Variants in MKX observed in about 807,000 individuals in gnomAD.
MKX encodes homeobox protein Mohawk.
MKX carries 13 observed loss-of-function variants against 36.0 expected under a neutral mutation model. That is an observed-to-expected ratio of 0.36 (90% CI 0.24 to 0.57). MKX has a LOEUF of 0.57. Ranked by LOEUF, MKX falls within the 20% of genes least tolerant of loss-of-function variation. The pLI is 0.79. For synonymous variants in MKX, 176 were observed against 178.3 expected (o/e 0.99, Z 0.10); for missense variants, 458 against 456.4 (o/e 1.00, Z -0.03).
intron 5 of MKX, among the ~76,000 whole-genome samples, chr10:27,697,233 A>G (rs760845574): frequency 1.3e-5 from 2 of 152,358 alleles, no homozygotes; most frequent in Non-Finnish European, 2.9e-5. Context: ...GCACTTAGAT[A>G]GGGAATGTGT....
intron 5 of MKX, among the ~76,000 whole-genome samples, chr10:27,713,699 G>A (rs1836912378): frequency 6.6e-6 from 1 of 152,062 alleles, no homozygotes; most frequent in African/African-American, 2.4e-5. Context: ...ACAGTACACA[G>A]TGCAACACAA....
chr10:27,745,117 G>T (rs1398017083), intron 1 of MKX, among the ~76,000 whole-genome samples: 1 of 151,686 alleles, frequency 6.6e-6, no homozygotes, highest in Non-Finnish European at 1.5e-5. Context: ...CCCTTCCCCG[G>T]CCCGGCCTTC....
intron 5 of MKX, among the ~76,000 whole-genome samples, chr10:27,730,560 C>A (rs926059789): frequency 6.6e-6 from 1 of 151,130 alleles, no homozygotes; most frequent in Non-Finnish European, 1.5e-5. Flanking sequence ...TGGGTTCAAG[C>A]GATTCTCGTA....
At chr10:27,713,095 C>G (rs1280548241) in intron 5 of MKX, among the ~76,000 whole-genome samples, 3 of 152,126 alleles carry the variant, frequency 2.0e-5, no homozygotes, top group Non-Finnish European at 4.4e-5. Flanking sequence ...ACATCTGAAT[C>G]CACGCGATGA....
chr10:27,703,166 T>C (rs952223046), intron 5 of MKX, among the ~76,000 whole-genome samples: 1 of 152,142 alleles, frequency 6.6e-6, no homozygotes, highest in Non-Finnish European at 1.5e-5. Flanking sequence ...AAGAGTGCCA[T>C]AGAAGAGCAT....
At chr10:27,690,886 G>C (rs1458786350) in intron 5 of MKX, among the ~76,000 whole-genome samples, 1 of 152,160 alleles carries the variant, frequency 6.6e-6, no homozygotes, top group African/African-American at 2.4e-5. Flanking sequence ...AGTGAGAGGT[G>C]ATCAGATCAT....
At position 27,695,139 on chromosome 10, in the gene MKX, G is replaced by A. The variant is rs544247184; in HGVS notation, c.839-19585C>T. 3.9e-5 allele frequency among the ~76,000 whole-genome samples: 6 copies of A among 152,124 alleles called. No individual in the cohort carries two copies. In the South Asian group the frequency reaches 1.2e-3, roughly 32 times the overall value. ...CCTGACATCCTCTATTATTTTCAAT[G>A]TCTACCCAGTTAGACCCCTCCCAGT... On this transcript the variant is annotated intron_variant, in intron 5 of 6. Transcript: ENST00000419761.
At chr10:27,743,705 C>T (rs1445714910) in intron 1 of MKX, among the ~76,000 whole-genome samples, 1 of 152,158 alleles carries the variant, frequency 6.6e-6, no homozygotes, top group African/African-American at 2.4e-5. Flanking sequence ...CTGCCCTCTT[C>T]CTTGCCTGGG....
At chr10:27,731,549 C>G (rs1834630019) in intron 5 of MKX, among the ~76,000 whole-genome samples, 1 of 152,092 alleles carries the variant, frequency 6.6e-6, no homozygotes, top group Non-Finnish European at 1.5e-5. Flanking sequence ...TCTTAATTCT[C>G]CAACCATAAA....
intron 5 of MKX, chr10:27,718,546 T>C (rs749262946): frequency 3.9e-5 from 16 of 414,316 alleles, no homozygotes; most frequent in South Asian, 2.8e-4. Context: ...GCTCCTTGTT[T>C]TTACTTTAAA....
Position 27,674,104 on chromosome 10 carries a change from A to C in MKX, c.*1125T>G, listed in dbSNP as rs919610724. The C allele has an allele frequency of 2.6e-5, 4 of 152,226 alleles. No individual in the cohort carries two copies. The highest frequency in any genetic ancestry group is 5.9e-5 in the Non-Finnish European group (4 of 68,028). The allele number at this position is 152,226 out of a possible 1,614,324, so 9.4% of individuals were successfully genotyped here. ...TCAATGGTAGACTAATTTAGAAACA[A>C]AATGTTTTCTTTCAATGCATGATTT... On this transcript the variant is annotated 3_prime_UTR_variant, in exon 7 of 7. Transcript: ENST00000419761.
chr10:27,714,416 C>T (rs1291033555), intron 5 of MKX, among the ~76,000 whole-genome samples: 4 of 152,102 alleles, frequency 2.6e-5, no homozygotes, highest in Non-Finnish European at 5.9e-5. Context: ...TTAGAGAAAG[C>T]GCTTGACATT....
intron 5 of MKX, among the ~76,000 whole-genome samples, chr10:27,679,388 C>G (rs1043399217): frequency 2.0e-5 from 3 of 151,600 alleles, no homozygotes; most frequent in Non-Finnish European, 1.5e-5. Flanking sequence ...CTTACCACCA[C>G]TTGGGAAGGG....
rs1334691779 is a variant in MKX at position 27,700,857 on chromosome 10, T to C, written c.839-25303A>G. Among the ~76,000 whole-genome samples the C allele has an allele frequency of 3.9e-5, 6 of 152,238 alleles. No individual in the cohort carries two copies. The East Asian group carries it at 9.6e-4, about 24-fold the overall frequency. On this transcript the variant is annotated intron_variant, in intron 5 of 6. Transcript: ENST00000419761. ...TTTCTAGGTTGTTCATTTTAATTTATACAATAATAAAATGTTTTCCCCTAC... is the reference window on the plus strand; with the variant it reads ...TTTCTAGGTTGTTCATTTTAATTTACACAATAATAAAATGTTTTCCCCTAC...
chr10:27,675,275 A>G lies in MKX; in HGVS notation c.1013T>C (p.Ile338Thr), dbSNP rs1286432018. 6.2e-6 allele frequency: 10 copies of G among 1,614,042 alleles called. No individual in the cohort carries two copies. Among genetic ancestry groups the G allele is most frequent in the Non-Finnish European group, 8.5e-6 (10 of 1,180,028 alleles). The change falls in exon 7 of 7, where the codon ATA becomes ACA. Residue 338 changes from isoleucine to threonine, a missense_variant. Physicochemically the swap from Ile to Thr is moderately conservative, Grantham distance 89 (BLOSUM62 -1). Around this residue, in one of 3 missense-constraint regions of MKX, gnomAD observed 297 missense variants for 304.4 expected, o/e 0.98. Coordinates refer to ENST00000419761, the MANE Select transcript of MKX (RefSeq NM_173576.3). ...TSCIIQKSSH[I>T]AEVKTVKVPL... ...CACTTTGACAGTCTTTACTTCTGCT[A>G]TATGGGACGACTTCTGGATGATGCA...
chr10:27,675,440 A>G, intron 6 of MKX, 25 bp from the exon 7 acceptor site: 1 of 1,614,104 alleles, frequency 6.2e-7, no homozygotes. Context: ...AACAGAAAGT[A>G]AACGATCAAA....
intron 5 of MKX, among the ~76,000 whole-genome samples, chr10:27,714,043 C>G: frequency 7.2e-6 from 1 of 138,874 alleles, no homozygotes. Flanking sequence ...GCTTTGCTTG[C>G]TTTTTCTCTG....
At chr10:27,707,812 T>A (rs1836783482) in intron 5 of MKX, among the ~76,000 whole-genome samples, 1 of 152,260 alleles carries the variant, frequency 6.6e-6, no homozygotes, top group African/African-American at 2.4e-5. Context: ...AATCCATTTG[T>A]GTTTTTAAGG....
In MKX at chr10:27,739,801, C is replaced by A. The variant is rs78173349; in HGVS notation, c.348+1544G>T. ...ACCTAGTGTTTCATTGCTGACATCA[C>A]TGTGAAATATTCAGATAACTCTATA... On this transcript the variant is annotated intron_variant, in intron 3 of 6. Transcript: ENST00000419761. Among the ~76,000 whole-genome samples, 341 of 152,258 alleles carry A rather than the reference C, an allele frequency of 2.2e-3. 2 individuals carry two copies. In the East Asian group the frequency reaches 0.024, roughly 11 times the overall value.
Sources: allele counts gnomAD v4.1 joint callset (sites outside exome capture counted in the v4.1 genomes callset), GRCh38; gene constraint gnomAD v4.1.1; regional missense constraint gnomAD v4.1.1; transcripts MANE v1.5; gene names NCBI Gene and HGNC (gene_info 2026-07-23, HGNC 2026-07-21).